NAALADL2: variants seen among roughly 807,000 people sequenced by gnomAD.
NAALADL2 encodes N-acetylated alpha-linked acidic dipeptidase like 2.
A neutral mutation model predicts 87.2 loss-of-function variants in NAALADL2; 76 were observed. That is an observed-to-expected ratio of 0.87 (90% confidence interval 0.72 to 1.05). The LOEUF is 1.05. Ranked by LOEUF, NAALADL2 falls within the 50% of genes least tolerant of loss-of-function variation. The pLI is 0.00. For synonymous variants in NAALADL2, 354 were observed against 331.0 expected, an observed-to-expected ratio of 1.07 and a Z score of -0.75; for missense variants, 1,089 against 945.8, an observed-to-expected ratio of 1.15 and a Z score of -1.99.
At chr3:175,742,594 T>C (rs1745391915) in intron 12 of NAALADL2, among the ~76,000 whole-genome samples, 1 of 152,084 alleles carries the variant, frequency 6.6e-6, no homozygotes, top group Non-Finnish European at 1.5e-5. Flanking sequence ...AGACGGGGTT[T>C]CACCGTGTTA....
intron 2 of NAALADL2, among the ~76,000 whole-genome samples, chr3:174,698,387 C>T (rs1252267402): frequency 6.6e-6 from 1 of 152,038 alleles, no homozygotes; most frequent in Admixed American, 6.6e-5. Context: ...GGTAGAGAGA[C>T]ATTTCCTCTC....
At chr3:175,538,089 A>T (rs536419525) in intron 9 of NAALADL2, among the ~76,000 whole-genome samples, 4 of 152,314 alleles carry the variant, frequency 2.6e-5, no homozygotes, top group Middle Eastern at 6.8e-3. Context: ...GTTTAATTAA[A>T]TTATATTGGG....
intron 5 of NAALADL2, among the ~76,000 whole-genome samples, chr3:175,338,662 CAA>C (rs66466429): frequency 8.1e-5 from 9 of 111,188 alleles, no homozygotes; most frequent in East Asian, 6.6e-4. Context: ...CACACACACA[CAA>C]ACAAACAAAA....
At chr3:174,805,462 T>G (rs1033359456) in intron 3 of NAALADL2, among the ~76,000 whole-genome samples, 2 of 152,202 alleles carry the variant, frequency 1.3e-5, no homozygotes, top group African/African-American at 4.8e-5. Context: ...TGGGACAGCT[T>G]GGCATAAAAC....
rs1404182620 is a variant in NAALADL2 at position 174,859,464 on chromosome 3, G to A, written c.43+14G>A. 6.2e-7 allele frequency: 1 copy of A among 1,604,218 alleles called. No homozygotes were observed. The highest frequency in any genetic ancestry group is 8.5e-7 in the Non-Finnish European group (1 of 1,172,834). On this transcript the variant is annotated intron_variant, in intron 1 of 13. Transcript: ENST00000454872. ...CGTCTTTGCAAGGTAAGTACCAACA[G>A]CCTATGAACTTTTCACTTTTCACAA...
chr3:174,896,213 T>A (rs776797093), intron 1 of NAALADL2, among the ~76,000 whole-genome samples: 1 of 151,948 alleles, frequency 6.6e-6, no homozygotes, highest in Non-Finnish European at 1.5e-5. Flanking sequence ...TTAAAGGACA[T>A]CCACACTGAA....
At chr3:174,970,402 G>A (rs1304782932) in intron 1 of NAALADL2, among the ~76,000 whole-genome samples, 1 of 152,126 alleles carries the variant, frequency 6.6e-6, no homozygotes, top group Non-Finnish European at 1.5e-5. Flanking sequence ...TAAAGACCTG[G>A]ATTAGCAAGA....
chr3:174,654,836 A>C (rs560194402), intron 2 of NAALADL2, among the ~76,000 whole-genome samples: 365 of 152,216 alleles, frequency 2.4e-3, no homozygotes, highest in Non-Finnish European at 4.4e-3. Flanking sequence ...CCCGGGTTCA[A>C]GCCATTCTCC....
chr3:174,613,475 T>C (rs1433224170), intron 2 of NAALADL2, among the ~76,000 whole-genome samples: 1 of 152,206 alleles, frequency 6.6e-6, no homozygotes, highest in African/African-American at 2.4e-5. Context: ...GTAGTGTGGC[T>C]GAGCTGGCAC....
At position 175,698,483 on chromosome 3, in the gene NAALADL2, T is replaced by TTTTTTATATATATA. The variant is rs1398396262; in HGVS notation, c.1897-38822_1897-38821insTTTTATATATATAT. On this transcript the variant is annotated intron_variant, in intron 11 of 13. Transcript: ENST00000454872. ...TGTGTATATATGTGTGTATATATAT[T>TTTTTTATATATATA]TATATATATATATATATATAAAATC... is the stretch of plus-strand genomic sequence containing the variant. Among the ~76,000 whole-genome samples the TTTTTTATATATATA allele has an allele frequency of 3.7e-3, 253 of 67,736 alleles. 17 individuals carry two copies. Among genetic ancestry groups the TTTTTTATATATATA allele is most frequent in the African/African-American group, 0.023 (249 of 11,054 alleles). The allele number at this position is 67,736 out of a possible 152,430, so 44.4% of individuals were successfully genotyped here. A position where few individuals can be genotyped will look rare whatever the true frequency, so the allele number is the denominator to read the frequency against.
intron 1 of NAALADL2, among the ~76,000 whole-genome samples, chr3:174,458,083 C>A (rs776863925): frequency 6.6e-6 from 1 of 152,044 alleles, no homozygotes; most frequent in African/African-American, 2.4e-5. Flanking sequence ...TACAACAGAC[C>A]CCCTTGATAC....
intron 2 of NAALADL2, among the ~76,000 whole-genome samples, chr3:174,645,111 G>C (rs545090796): frequency 6.6e-6 from 1 of 152,130 alleles, no homozygotes; most frequent in African/African-American, 2.4e-5. Context: ...AACAGCTCCC[G>C]GTCTAGGGCT....
chr3:175,406,886 TA>T lies in NAALADL2; in HGVS notation c.1091-40342del, dbSNP rs1712495413. ...ATAAAAATCATAGATTTTTGCATTT[TA>T]TTAAAAGTGTCGGCCGGGCGCTGTG... On this transcript the variant is annotated intron_variant, in intron 5 of 13. Coordinates refer to ENST00000454872, the MANE Select transcript of NAALADL2 (RefSeq NM_207015.3). 2.6e-5 allele frequency among the ~76,000 whole-genome samples: 4 copies of T among 152,208 alleles called. No individual in the cohort carries two copies. The South Asian group carries it at 8.3e-4, about 32-fold the overall frequency.
intron 5 of NAALADL2, among the ~76,000 whole-genome samples, chr3:175,417,117 G>GAAAAAAAAAAA (rs11424007): frequency 1.6e-5 from 2 of 125,460 alleles, no homozygotes; most frequent in African/African-American, 3.1e-5. Context: ...GAAGAGAAAA[G>GAAAAAAAAAAA]AAAAAAAAAA....
At chr3:174,970,116 AT>A (rs1323613824) in intron 1 of NAALADL2, among the ~76,000 whole-genome samples, 1 of 151,936 alleles carries the variant, frequency 6.6e-6, no homozygotes, top group Non-Finnish European at 1.5e-5. Flanking sequence ...TAGATGAATA[AT>A]TTTTTTTGGA....
At chr3:175,286,625 CTT>C (rs1348456372) in intron 4 of NAALADL2, among the ~76,000 whole-genome samples, 1 of 151,544 alleles carries the variant, frequency 6.6e-6, no homozygotes, top group Non-Finnish European at 1.5e-5. Context: ...ATTTTATTCT[CTT>C]GTTTGATTGT....
At chr3:175,093,909 G>A (rs564781467) in intron 1 of NAALADL2, among the ~76,000 whole-genome samples, 2 of 152,008 alleles carry the variant, frequency 1.3e-5, no homozygotes, top group South Asian at 2.1e-4. Flanking sequence ...TTTGAAGACC[G>A]TTAAATTGCT....
In NAALADL2 at chr3:175,393,358, G is replaced by A. The variant is rs1007400141; in HGVS notation, c.1091-53871G>A. ...GGAATAAAGTCAAATCATGTATTTG[G>A]AAGCTTTATTAATATAATAGTTAAT... On this transcript the variant is annotated intron_variant, in intron 5 of 13. Coordinates refer to ENST00000454872, the MANE Select transcript of NAALADL2 (RefSeq NM_207015.3). Among the ~76,000 whole-genome samples the A allele has an allele frequency of 4.8e-5, 7 of 144,794 alleles. No individual in the cohort carries two copies. In the East Asian group the frequency reaches 1.2e-3, roughly 25 times the overall value. 95.0% of individuals were successfully genotyped at this position (144,794 alleles called of 152,430 possible).
At chr3:175,084,644 A>C (rs950409694) in intron 1 of NAALADL2, among the ~76,000 whole-genome samples, 1 of 152,218 alleles carries the variant, frequency 6.6e-6, no homozygotes, top group South Asian at 2.1e-4. Flanking sequence ...CTAAAAGAGC[A>C]TAGATATAAA....
Sources: gnomAD v4.1 joint callset for allele counts (sites outside exome capture counted in the v4.1 genomes callset) on GRCh38, gnomAD v4.1.1 for gene constraint, MANE v1.5 for transcripts, NCBI Gene and HGNC (gene_info 2026-07-23, HGNC 2026-07-21) for gene names.